ESPNL: variants seen among roughly 807,000 people sequenced by gnomAD.
ESPNL encodes espin-like protein.
In ESPNL, 49 loss-of-function variants were observed where a neutral mutation model predicts 46.8. That is an observed-to-expected ratio of 1.05 (90% CI 0.83 to 1.33). The LOEUF (loss-of-function observed/expected upper bound fraction) is 1.33, where lower values mean the gene tolerates loss of function less well. Among genes scored for constraint, ESPNL ranks in the 40% most tolerant of loss-of-function variants. The pLI is 0.00. For missense variants in ESPNL, 1,540 were observed against 1,436.6 expected (o/e 1.07, Z -1.16); for synonymous variants, 664 against 662.1 (o/e 1.00, Z -0.04).
intron 6 of ESPNL, 133 bp from the exon 7 acceptor site, chr2:238,127,489 T>C: frequency 1.2e-6 from 1 of 852,442 alleles, no homozygotes; most frequent in South Asian, 1.9e-5. Flanking sequence ...TGGGGCAGGG[T>C]GGGCTGGGGT....
intron 7 of ESPNL, 99 bp from the exon 8 acceptor site, chr2:238,128,608 G>A: frequency 8.4e-7 from 1 of 1,188,106 alleles, no homozygotes; most frequent in South Asian, 1.4e-5. Flanking sequence ...CTGTTAGCGT[G>A]CCCTGGGCGG....
At chr2:238,117,073 G>C in intron 5 of ESPNL, 39 bp downstream of exon 5, 1 of 1,580,774 alleles carries the variant, frequency 6.3e-7, no homozygotes, top group South Asian at 1.1e-5. Context: ...GAGGCATGGG[G>C]GGTGGGCCCA....
Position 238,127,640 on chromosome 2 carries a change from C to G in ESPNL, c.1121C>G (p.Ala374Gly). The G allele has an allele frequency of 6.2e-7, 1 of 1,608,568 alleles. No individual in the cohort carries two copies. The highest frequency in any genetic ancestry group is 1.1e-5 in the South Asian group (1 of 89,768). ...TTGGCAGCCATGTCCCTCAGCCCGG[C>G]CTGGCCTGGCCATCCTGACCAGCCT... The part of the protein sequence containing the change: ...GNPSPMSLSP[A>G]WPGHPDQPLP... Residue 374 changes from alanine (A) to glycine (G), a missense_variant, in exon 7 of 9, where the codon GCC becomes GGC. Ala to Gly is a moderately conservative substitution (Grantham distance 60, BLOSUM62 0). Coordinates refer to ENST00000343063, the MANE Select transcript of ESPNL (RefSeq NM_194312.4).
At position 238,100,514 on chromosome 2, in the gene ESPNL, C is replaced by G. The variant is rs1260262798; in HGVS notation, c.95C>G (p.Thr32Ser). Reference sequence around the variant, plus strand: ...GCTGGCGCCCTGGGCCCGGGCATCACCGATGCTCTGGGGGCCGGCCTGGTT... The same window carrying G: ...GCTGGCGCCCTGGGCCCGGGCATCAGCGATGCTCTGGGGGCCGGCCTGGTT... ...LEAGALGPGI[T>S]DALGAGLVHH... The change falls in exon 1 of 9, where the codon ACC becomes AGC. Residue 32 changes from threonine to serine, a missense_variant. Physicochemically the swap from Thr to Ser is moderately conservative, Grantham distance 58. Coordinates refer to ENST00000343063, the MANE Select transcript of ESPNL (RefSeq NM_194312.4). The G allele has an allele frequency of 3.1e-6, 5 of 1,597,306 alleles. 1 individual carries two copies. The South Asian group carries it at 4.5e-5, about 14-fold the overall frequency.
chr2:238,107,893 C>A lies in ESPNL; in HGVS notation c.775C>A (p.Leu259Met). Residue 259 changes from leucine to methionine, a missense_variant, in exon 4 of 9, where the codon CTG (leucine) becomes ATG (methionine). Physicochemically the swap from Leu to Met is conservative, Grantham distance 15 (BLOSUM62 2). Coordinates refer to ENST00000343063, the MANE Select transcript of ESPNL (RefSeq NM_194312.4). Reference sequence around the variant, plus strand: ...CCACACGCCCATTCTAGACCGACTCCTGCTCATGGGTACCCCCATCCTGAG... The same window carrying A: ...CCACACGCCCATTCTAGACCGACTCATGCTCATGGGTACCCCCATCCTGAG... Reference protein sequence around the residue: ...GGHTPILDRLLLMGTPILRDS... With the variant: ...GGHTPILDRLMLMGTPILRDS... The A allele has an allele frequency of 6.2e-7, 1 of 1,612,760 alleles. No individual in the cohort carries two copies. Among genetic ancestry groups the A allele is most frequent in the Non-Finnish European group, 8.5e-7 (1 of 1,179,828 alleles).
chr2:238,130,680 CG>C lies in ESPNL; in HGVS notation c.1970del (p.Gly657AlafsTer28). 6.4e-7 allele frequency: 1 copy of C among 1,562,466 alleles called. No homozygotes were observed. ...GTGGGGGGTGTCTGTGCGGACGCTG[CG>C]GGGCAACTTCGAGTCGGCCTCTGGC... ...QEWGVSVRTL[R>X]GNFESASGPL... On this transcript the variant is annotated frameshift_variant, in exon 9 of 9. Transcript: ENST00000343063. LOFTEE classifies it low-confidence loss of function (END_TRUNC).
At chr2:238,111,018 T>C (rs1691707796) in intron 4 of ESPNL, among the ~76,000 whole-genome samples, 1 of 144,228 alleles carries the variant, frequency 6.9e-6, no homozygotes, top group South Asian at 2.2e-4. Flanking sequence ...AGAGGCTCGA[T>C]CTCTGCTCAC....
intron 1 of ESPNL, 34 bp from the exon 2 acceptor site, chr2:238,101,906 AC>A (rs561378399): frequency 5.8e-6 from 9 of 1,546,994 alleles, no homozygotes; most frequent in South Asian, 3.5e-5. Flanking sequence ...CTCACGGCCT[AC>A]CCCCCACTCA....
intron 4 of ESPNL, among the ~76,000 whole-genome samples, chr2:238,115,984 A>G (rs1195905458): frequency 2.0e-5 from 3 of 152,194 alleles, no homozygotes; most frequent in African/African-American, 7.2e-5. Flanking sequence ...GGGTCTCACA[A>G]CTTCTTACTT....
intron 5 of ESPNL, among the ~76,000 whole-genome samples, chr2:238,121,937 CG>C (rs1691995651): frequency 6.6e-6 from 1 of 152,254 alleles, no homozygotes; most frequent in South Asian, 2.1e-4. Flanking sequence ...GCCATGGCAA[CG>C]GGTGTCCGGC....
rs201786122 is a variant in ESPNL, at chr2:238,100,467, G to A, written c.48G>A (p.Ala16=). 3.1e-5 allele frequency: 50 copies of A among 1,605,150 alleles called. No homozygotes were observed. Among genetic ancestry groups the A allele is most frequent in the Admixed American group, 1.9e-4 (11 of 58,998 alleles). ...TGGCCGCCAAGGATGGGGATGTGGC[G>A]ACGTTGGAGCGGCTGCTGGAGGCTG... ...ALVAAKDGDV[A]TLERLLEAGA... Residue 16 remains alanine, a synonymous_variant, in exon 1 of 9, where the codon GCG becomes GCA. Transcript: ENST00000343063.
At chr2:238,121,750 G>A (rs1392977802) in intron 5 of ESPNL, among the ~76,000 whole-genome samples, 1 of 152,224 alleles carries the variant, frequency 6.6e-6, no homozygotes, top group African/African-American at 2.4e-5. Context: ...CCAATGAGGC[G>A]CCTGCCCTGG....
intron 4 of ESPNL, among the ~76,000 whole-genome samples, chr2:238,110,603 T>C (rs35733866): frequency 1.4e-3 from 127 of 93,904 alleles, no homozygotes; most frequent in African/African-American, 4.1e-3. Flanking sequence ...GTGTCCCTTT[T>C]CTGTCCCAGG....
At chr2:238,121,648 T>C (rs993729868) in intron 5 of ESPNL, among the ~76,000 whole-genome samples, 17 of 152,212 alleles carry the variant, frequency 1.1e-4, no homozygotes, top group African/African-American at 4.1e-4. Flanking sequence ...TCCTCCCGCC[T>C]CTGCCTCCCA....
Position 238,127,712 on chromosome 2 carries a change from C to A in ESPNL, c.1193C>A (p.Thr398Asn). The change falls in exon 7 of 9, where the codon ACC becomes AAC. Residue 398 changes from threonine (T) to asparagine (N), a missense_variant. Coordinates refer to ENST00000343063, the MANE Select transcript of ESPNL (RefSeq NM_194312.4). Reference protein sequence around the residue: ...MTSPAPPRIITSATADPEGTE... With the variant: ...MTSPAPPRIINSATADPEGTE... The stretch of plus-strand genomic sequence containing the variant: ...AGCCCGGCCCCTCCGAGGATCATCA[C>A]CAGTGCCACGGCTGACCCCGAGGTT... 1 of 1,612,006 alleles carries A rather than the reference C, an allele frequency of 6.2e-7. No individual in the cohort carries two copies. The highest frequency in any genetic ancestry group is 1.1e-5 in the South Asian group (1 of 90,522).
rs557725637 is a variant in ESPNL, at chr2:238,104,692, A to G, written c.522A>G (p.Pro174=). The G allele has an allele frequency of 1.8e-5, 29 of 1,602,564 alleles. No homozygotes were observed. The African/African-American group carries it at 3.1e-4, about 17-fold the overall frequency. Residue 174 remains proline (P), a synonymous_variant, in exon 3 of 9, where the codon CCA becomes CCG. Coordinates refer to ENST00000343063, the MANE Select transcript of ESPNL (RefSeq NM_194312.4). ...VNRRTRSGAS[P]LYLACQEGHL... Reference sequence around the variant, plus strand: ...GGCGGACACGCAGTGGCGCCTCCCCACTCTACCTGGCCTGCCAGGAGGGCC... The same window carrying G: ...GGCGGACACGCAGTGGCGCCTCCCCGCTCTACCTGGCCTGCCAGGAGGGCC...
Position 238,107,808 on chromosome 2 carries a change from C to A in ESPNL, c.690C>A (p.Ile230=). The change falls in exon 4 of 9, where the codon ATC becomes ATA. Residue 230 remains isoleucine, a synonymous_variant. Transcript: ENST00000343063. ...TTCCCCAGGTCACATTCACCGACAT[C>A]GGACTCACGGCACGGGACAATGAGG... ...LVVWLVTFTD[I]GLTARDNEGA... 1 of 1,597,180 alleles carries A rather than the reference C, an allele frequency of 6.3e-7. No homozygotes were observed. The highest frequency in any genetic ancestry group is 1.3e-5 in the African/African-American group (1 of 74,670).
intron 5 of ESPNL, among the ~76,000 whole-genome samples, chr2:238,123,938 G>A (rs1692042598): frequency 6.6e-6 from 1 of 152,192 alleles, no homozygotes; most frequent in South Asian, 2.1e-4. Flanking sequence ...CTTGCTGGGA[G>A]GCAGCCTGTG....
At position 238,131,800 on chromosome 2, in the gene ESPNL, T is replaced by G. The variant is rs945816983; in HGVS notation, c.*68T>G. ...CTTGGAGTTTCTCTTTTCTTTTCCT[T>G]GCTCACACCCTTGGTGTTCAGGTGA... is the stretch of plus-strand genomic sequence containing the variant. On this transcript the variant is annotated 3_prime_UTR_variant, in exon 9 of 9. Coordinates refer to ENST00000343063, the MANE Select transcript of ESPNL (RefSeq NM_194312.4). 1.7e-5 allele frequency: 26 copies of G among 1,505,820 alleles called. No individual in the cohort carries two copies. In the African/African-American group the frequency reaches 3.6e-4, roughly 21 times the overall value. 93.3% of individuals were successfully genotyped at this position (1,505,820 alleles called of 1,614,324 possible).
Sources: allele counts gnomAD v4.1 joint callset (sites outside exome capture counted in the v4.1 genomes callset), GRCh38; gene constraint gnomAD v4.1.1; transcripts MANE v1.5; gene names NCBI Gene and HGNC (gene_info 2026-07-23, HGNC 2026-07-21).